The following EXOC6B variants were observed in gnomAD, a reference collection of about 807,000 sequenced individuals.
The protein encoded by EXOC6B is exocyst complex component 6B.
A neutral mutation model predicts 113.5 loss-of-function variants in EXOC6B; 54 were observed. The ratio of observed to expected loss-of-function variants is 0.48; its 90% CI spans 0.38 to 0.60. The LOEUF (loss-of-function observed/expected upper bound fraction) is 0.60, where lower values mean the gene tolerates loss of function less well. Ranked by LOEUF, EXOC6B falls within the 20% of genes least tolerant of loss-of-function variation. The probability of loss-of-function intolerance (pLI) is 0.00; values close to 1 mark genes in which losing one functional copy is unlikely to be tolerated. For synonymous variants in EXOC6B, 357 were observed against 339.0 expected (o/e 1.05, Z -0.58); for missense variants, 797 against 977.5 (o/e 0.82, Z 2.46).
At chr2:72,333,259 T>A (rs1688507098) in intron 20 of EXOC6B, among the ~76,000 whole-genome samples, 1 of 152,190 alleles carries the variant, frequency 6.6e-6, no homozygotes, top group Non-Finnish European at 1.5e-5. Flanking sequence ...TTCCCGACTC[T>A]GATCCACCTT....
At chr2:72,357,115 G>A (rs1234595000) in intron 19 of EXOC6B, among the ~76,000 whole-genome samples, 3 of 152,106 alleles carry the variant, frequency 2.0e-5, no homozygotes, top group African/African-American at 7.2e-5. Flanking sequence ...CATCACACAG[G>A]TGTTTTATCA....
chr2:72,306,550 T>G (rs11903453), intron 20 of EXOC6B, among the ~76,000 whole-genome samples: 30,913 of 152,138 alleles, frequency 0.2, 5,807 homozygotes, highest in African/African-American at 0.51. Context: ...TTGTAATGTT[T>G]CTCATATTTC....
chr2:72,224,728 C>T (rs575068142), intron 20 of EXOC6B, among the ~76,000 whole-genome samples: 1 of 151,862 alleles, frequency 6.6e-6, no homozygotes, highest in Non-Finnish European at 1.5e-5. Flanking sequence ...CTCCTGTGCT[C>T]AAGTGATCCT....
intron 1 of EXOC6B, among the ~76,000 whole-genome samples, chr2:72,819,807 G>A (rs1686483963): frequency 6.6e-6 from 1 of 152,124 alleles, no homozygotes; most frequent in Admixed American, 6.5e-5. Context: ...TACCTGCTAG[G>A]CAGTAGTCCT....
chr2:72,241,693 G>A (rs987674847), intron 20 of EXOC6B, among the ~76,000 whole-genome samples: 4 of 152,102 alleles, frequency 2.6e-5, no homozygotes, highest in South Asian at 2.1e-4. Context: ...AACCATGGAA[G>A]CAAGAAGATA....
intron 8 of EXOC6B, among the ~76,000 whole-genome samples, chr2:72,533,861 C>G (rs552160011): frequency 7.9e-5 from 12 of 151,890 alleles, no homozygotes; most frequent in Non-Finnish European, 1.6e-4. Flanking sequence ...CAGTATTTGC[C>G]CCTGTAACAG....
chr2:72,531,767 C>T (rs1384198992), intron 8 of EXOC6B, among the ~76,000 whole-genome samples: 1 of 151,948 alleles, frequency 6.6e-6, no homozygotes, highest in African/African-American at 2.4e-5. Flanking sequence ...GGTTAGATCA[C>T]GAGGTCAGGA....
intron 11 of EXOC6B, 129 bp from the exon 12 acceptor site, chr2:72,500,101 T>G: frequency 1.5e-6 from 1 of 650,900 alleles, no homozygotes; most frequent in Admixed American, 2.5e-5. Context: ...TCCCTAGAAA[T>G]AATTCAACAC....
intron 6 of EXOC6B, among the ~76,000 whole-genome samples, chr2:72,646,816 T>G (rs541103517): frequency 6.6e-6 from 1 of 152,130 alleles, no homozygotes; most frequent in Non-Finnish European, 1.5e-5. Context: ...TAATAAGAGC[T>G]ATTTATGACA....
chr2:72,598,331 G>C (rs748732048), intron 6 of EXOC6B, among the ~76,000 whole-genome samples: 22 of 151,884 alleles, frequency 1.4e-4, no homozygotes, highest in Non-Finnish European at 2.4e-4. Context: ...AGCCAAAGAA[G>C]TCTCAAGAGA....
chr2:72,538,039 C>A (rs1702398549), intron 8 of EXOC6B, among the ~76,000 whole-genome samples: 1 of 150,788 alleles, frequency 6.6e-6, no homozygotes, highest in African/African-American at 2.4e-5. Context: ...CCATTAGTTA[C>A]CTCAAACTCC....
In EXOC6B at chr2:72,509,452, T is replaced by G. The variant is rs147277347; in HGVS notation, c.1167+3680A>C. On this transcript the variant is annotated intron_variant, in intron 11 of 21. Coordinates refer to ENST00000272427, the MANE Select transcript of EXOC6B (RefSeq NM_015189.3). ...ATCTCATACCCTATGCTAAAATAAA[T>G]TTTTTATGGTTGTAGAAAAAGGAAC... Among the ~76,000 whole-genome samples, 298 of 152,278 alleles carry G rather than the reference T, an allele frequency of 2.0e-3. 3 individuals are homozygous for G. Among genetic ancestry groups the G allele is most frequent in the African/African-American group, 6.8e-3 (282 of 41,568 alleles).
intron 11 of EXOC6B, among the ~76,000 whole-genome samples, chr2:72,501,664 T>A: frequency 6.6e-6 from 1 of 151,278 alleles, no homozygotes; most frequent in South Asian, 2.1e-4. Context: ...ATAAATTATA[T>A]CCTTTTTGCC....
intron 11 of EXOC6B, among the ~76,000 whole-genome samples, chr2:72,508,210 G>T (rs1373495455): frequency 7.2e-6 from 1 of 138,798 alleles, no homozygotes; most frequent in Non-Finnish European, 1.5e-5. Context: ...ACTTTGATGG[G>T]AAGTATTATT....
intron 8 of EXOC6B, among the ~76,000 whole-genome samples, chr2:72,538,325 T>G (rs1463469270): frequency 1.3e-5 from 2 of 152,224 alleles, no homozygotes; most frequent in African/African-American, 2.4e-5. Flanking sequence ...CATTGATATC[T>G]GATAAGCAGC....
At chr2:72,801,558 T>C (rs920133734) in intron 1 of EXOC6B, among the ~76,000 whole-genome samples, 1 of 152,208 alleles carries the variant, frequency 6.6e-6, no homozygotes, top group East Asian at 1.9e-4. Flanking sequence ...TACAGAAACT[T>C]TCAATAAAAC....
At chr2:72,241,877 AG>A (rs1174481015) in intron 20 of EXOC6B, among the ~76,000 whole-genome samples, 1 of 152,116 alleles carries the variant, frequency 6.6e-6, no homozygotes, top group Non-Finnish European at 1.5e-5. Context: ...TCTTCAGAAA[AG>A]AAAGAAAATA....
rs576933642 is a variant in EXOC6B at position 72,458,883 on chromosome 2, G to C, written c.1980+6277C>G. Reference sequence around the variant, plus strand: ...TGATGAAATGGGGACAGGTGGGCTGGCAAAAGCAATTAAAAAATATAAATT... The same window carrying C: ...TGATGAAATGGGGACAGGTGGGCTGCCAAAAGCAATTAAAAAATATAAATT... On this transcript the variant is annotated intron_variant, in intron 18 of 21. Transcript: ENST00000272427. Among the ~76,000 whole-genome samples the C allele has an allele frequency of 4.0e-5, 6 of 151,630 alleles. 1 individual carries two copies. The East Asian group carries it at 1.2e-3, about 29-fold the overall frequency.
chr2:72,733,142 C>T, intron 2 of EXOC6B, 24 bp from the exon 3 acceptor site: 1 of 1,540,362 alleles, frequency 6.5e-7, no homozygotes, highest in South Asian at 1.2e-5. Flanking sequence ...ACAATTTAAA[C>T]TCATAAAAAA....
Sources: allele counts gnomAD v4.1 joint callset (sites outside exome capture counted in the v4.1 genomes callset), GRCh38; gene constraint gnomAD v4.1.1; transcripts MANE v1.5; gene names NCBI Gene and HGNC (gene_info 2026-07-23, HGNC 2026-07-21).